GRM7: variants seen among roughly 807,000 people sequenced by gnomAD.
The protein encoded by GRM7 is glutamate metabotropic receptor 7.
In GRM7, 35 loss-of-function variants were observed where a neutral mutation model predicts 84.5. That is an observed-to-expected ratio of 0.41 (90% CI 0.32 to 0.55). The LOEUF is 0.55. Among genes scored for constraint, GRM7 ranks in the 20% least tolerant of loss-of-function variants. The probability of loss-of-function intolerance (pLI) is 0.19; values close to 1 mark genes in which losing one functional copy is unlikely to be tolerated. For missense variants in GRM7, 1,003 were observed against 1,194.6 expected, an observed-to-expected ratio of 0.84 and a Z score of 2.36; for synonymous variants, 487 against 455.1, an observed-to-expected ratio of 1.07 and a Z score of -0.89.
chr3:7,085,863 C>G (rs1698439567), intron 1 of GRM7, among the ~76,000 whole-genome samples: 1 of 151,778 alleles, frequency 6.6e-6, no homozygotes, highest in South Asian at 2.1e-4. Flanking sequence ...CTGTTCAAAC[C>G]CAATAGAAAT....
chr3:7,390,987 G>A (rs1694968079), intron 4 of GRM7, among the ~76,000 whole-genome samples: 1 of 151,554 alleles, frequency 6.6e-6, no homozygotes, highest in Non-Finnish European at 1.5e-5. Flanking sequence ...GACACTTTTT[G>A]TTGTTGTTGT....
At chr3:7,658,989 A>AT (rs1372921920) in intron 8 of GRM7, among the ~76,000 whole-genome samples, 1 of 152,184 alleles carries the variant, frequency 6.6e-6, no homozygotes, top group African/African-American at 2.4e-5. Flanking sequence ...TTTCACAAAG[A>AT]TTTTAAGATT....
chr3:7,474,596 A>C (rs1260456485), intron 7 of GRM7, among the ~76,000 whole-genome samples: 3 of 152,188 alleles, frequency 2.0e-5, no homozygotes, highest in South Asian at 2.1e-4. Context: ...ACAGCTGTAC[A>C]GCTAACTTCC....
At chr3:7,157,562 G>C (rs371177688) in intron 2 of GRM7, among the ~76,000 whole-genome samples, 2 of 151,332 alleles carry the variant, frequency 1.3e-5, no homozygotes, top group Non-Finnish European at 1.5e-5. Context: ...TAAAATACAC[G>C]TAGAGGACTG....
intron 8 of GRM7, among the ~76,000 whole-genome samples, chr3:7,625,574 C>T (rs1300698131): frequency 1.3e-5 from 2 of 152,082 alleles, no homozygotes. Context: ...GAGGCTGAGG[C>T]AGGAGGATCC....
At chr3:7,264,237 G>T (rs1228466602) in intron 2 of GRM7, among the ~76,000 whole-genome samples, 1 of 152,138 alleles carries the variant, frequency 6.6e-6, no homozygotes, top group Non-Finnish European at 1.5e-5. Flanking sequence ...ATTCAGATCC[G>T]ACACTTTCTC....
At chr3:6,918,018 TC>T (rs1171421354) in intron 1 of GRM7, among the ~76,000 whole-genome samples, 2 of 152,180 alleles carry the variant, frequency 1.3e-5, no homozygotes, top group African/African-American at 4.8e-5. Context: ...ATATAAAAGG[TC>T]CTTTTTAAGC....
At chr3:7,380,440 G>T (rs923889141) in intron 4 of GRM7, among the ~76,000 whole-genome samples, 1 of 152,146 alleles carries the variant, frequency 6.6e-6, no homozygotes, top group African/African-American at 2.4e-5. Flanking sequence ...TTCAACTAGA[G>T]TTGAAATGTT....
intron 2 of GRM7, among the ~76,000 whole-genome samples, chr3:7,209,208 T>A (rs994990778): frequency 9.2e-5 from 14 of 152,212 alleles, no homozygotes; most frequent in African/African-American, 3.4e-4. Flanking sequence ...TTAGGGTGAC[T>A]CAAACTATAG....
intron 6 of GRM7, among the ~76,000 whole-genome samples, chr3:7,456,513 T>C (rs2124899190): frequency 7.8e-6 from 1 of 128,320 alleles, no homozygotes; most frequent in African/African-American, 2.5e-5. Flanking sequence ...GATATTCAAA[T>C]CCATACAGCT....
chr3:7,632,989 C>T (rs1697923760), intron 8 of GRM7, among the ~76,000 whole-genome samples: 1 of 152,304 alleles, frequency 6.6e-6, no homozygotes, highest in South Asian at 2.1e-4. Context: ...TTGATAGAAA[C>T]AGAACCTAAA....
At chr3:7,029,315 C>CAAAAAAAAA (rs1207041327) in intron 1 of GRM7, among the ~76,000 whole-genome samples, 1 of 92,840 alleles carries the variant, frequency 1.1e-5, no homozygotes, top group Non-Finnish European at 2.4e-5. Flanking sequence ...AAAAAAAAAA[C>CAAAAAAAAA]AAAAAAAAAA....
At chr3:7,287,642 A>AT (rs1007806468) in intron 2 of GRM7, among the ~76,000 whole-genome samples, 1 of 152,108 alleles carries the variant, frequency 6.6e-6, no homozygotes, top group Non-Finnish European at 1.5e-5. Flanking sequence ...AGAGTGACAC[A>AT]TTTTTTTAAG....
At chr3:6,972,620 G>C (rs1192957991) in intron 1 of GRM7, among the ~76,000 whole-genome samples, 1 of 152,198 alleles carries the variant, frequency 6.6e-6, no homozygotes, top group Admixed American at 6.5e-5. Context: ...AAGGAAAAGA[G>C]AGGAAGCAGG....
At chr3:7,686,778 C>T (rs77349266) in intron 9 of GRM7, among the ~76,000 whole-genome samples, 7,568 of 152,212 alleles carry the variant, frequency 0.05, 250 homozygotes, top group South Asian at 0.083. Flanking sequence ...CAGTATTTCT[C>T]AATGTATGTT....
rs374014490 is a variant in GRM7, at chr3:7,548,312, G to A, written c.1516-30110G>A. On this transcript the variant is annotated intron_variant, in intron 7 of 9. Coordinates refer to ENST00000357716, the MANE Select transcript of GRM7 (RefSeq NM_000844.4). ...CTCTCTTGCTCCCTCTCTTACCATGGGACCTCTCCACACTCCAGCTCCGCT... is the reference window on the plus strand; with the variant it reads ...CTCTCTTGCTCCCTCTCTTACCATGAGACCTCTCCACACTCCAGCTCCGCT... 8.0e-4 allele frequency among the ~76,000 whole-genome samples: 121 copies of A among 152,178 alleles called. 4 individuals carry two copies. In the South Asian group the frequency reaches 0.021, roughly 26 times the overall value.
intron 1 of GRM7, among the ~76,000 whole-genome samples, chr3:7,125,219 G>A (rs557799016): frequency 1.1e-4 from 16 of 152,228 alleles, no homozygotes; most frequent in East Asian, 5.8e-4. Flanking sequence ...GATTACAGGC[G>A]TGAGCCACCA....
intron 7 of GRM7, among the ~76,000 whole-genome samples, chr3:7,536,153 T>A (rs1305520097): frequency 6.6e-6 from 1 of 152,212 alleles, no homozygotes; most frequent in Non-Finnish European, 1.5e-5. Flanking sequence ...ATGCTGGGAC[T>A]TGGTTTCTGA....
chr3:7,019,853 C>T (rs1233627360), intron 1 of GRM7, among the ~76,000 whole-genome samples: 1 of 152,176 alleles, frequency 6.6e-6, no homozygotes, highest in Non-Finnish European at 1.5e-5. Flanking sequence ...TGAAAGGCTT[C>T]AGAAAAACAA....
Sources: gnomAD v4.1 joint callset for allele counts (sites outside exome capture counted in the v4.1 genomes callset) on GRCh38, gnomAD v4.1.1 for gene constraint, MANE v1.5 for transcripts, NCBI Gene and HGNC (gene_info 2026-07-23, HGNC 2026-07-21) for gene names.